Variants in PDE2A observed in about 807,000 individuals in gnomAD.
The protein encoded by PDE2A is cGMP-dependent 3',5'-cyclic phosphodiesterase.
PDE2A carries 53 observed loss-of-function variants against 133.6 expected under a neutral mutation model. That is an observed-to-expected ratio of 0.40 (90% CI 0.32 to 0.50). The LOEUF (loss-of-function observed/expected upper bound fraction) is 0.50. PDE2A is among the 20% of genes least tolerant of loss of function. The pLI is 0.73. For synonymous variants in PDE2A, 491 were observed against 490.2 expected, an observed-to-expected ratio of 1.00 and a Z score of -0.02; for missense variants, 796 against 1,232.4, an observed-to-expected ratio of 0.65 and a Z score of 5.30.
At chr11:72,585,623 G>C in intron 14 of PDE2A, 30 bp from the exon 15 acceptor site, 1 of 1,609,700 alleles carries the variant, frequency 6.2e-7, no homozygotes, top group Non-Finnish European at 8.5e-7. Context: ...GATCATAGGG[G>C]GGTCGGGGTG....
Position 72,584,852 on chromosome 11 carries a change from C to G in PDE2A, c.1359+20G>C, listed in dbSNP as rs767816078. Reference sequence around the variant, plus strand: ...TCCCGGACACCCCTAGGGCCACATACTCCCTCCACACCCTCTCACCTCATC... The same window carrying G: ...TCCCGGACACCCCTAGGGCCACATAGTCCCTCCACACCCTCTCACCTCATC... On this transcript the variant is annotated intron_variant, in intron 17 of 30. Transcript: ENST00000334456. 9.9e-6 allele frequency: 16 copies of G among 1,612,426 alleles called. No homozygotes were observed. The highest frequency in any genetic ancestry group is 3.3e-4 in the Middle Eastern group (2 of 6,078).
At position 72,619,614 on chromosome 11, in the gene PDE2A, T is replaced by C. The variant is rs962235567; in HGVS notation, c.145-10863A>G. On this transcript the variant is annotated intron_variant, in intron 2 of 30. Coordinates refer to ENST00000334456, the MANE Select transcript of PDE2A (RefSeq NM_002599.5). The stretch of plus-strand genomic sequence containing the variant: ...ATCTATGCATATGTGATTCAGGTCA[T>C]TGATGTCCATGTGACAGTGGTATAG... 2.3e-4 allele frequency among the ~76,000 whole-genome samples: 35 copies of C among 152,312 alleles called. No homozygotes were observed. In the East Asian group the frequency reaches 2.7e-3, roughly 12 times the overall value.
In PDE2A at chr11:72,577,605, AT is replaced by A. The variant is rs200122101; in HGVS notation, c.2616-12del. 1.6e-3 allele frequency: 2,386 copies of A among 1,538,782 alleles called. 6 individuals carry two copies. Among genetic ancestry groups the A allele is most frequent in the Non-Finnish European group, 1.8e-3 (2,140 of 1,160,668 alleles). ...AGGTCCTGCAACAGCCTGCGGGTGC[AT>A]GGGGGGCAGAGGGCGAGAGGCCAGA... is the stretch of plus-strand genomic sequence containing the variant. On this transcript the variant is annotated splice_polypyrimidine_tract_variant and intron_variant, in intron 30 of 30. Coordinates refer to ENST00000334456, the MANE Select transcript of PDE2A (RefSeq NM_002599.5).
In PDE2A at chr11:72,577,430, C is replaced by T. The variant is rs1378459747; in HGVS notation, c.2780G>A (p.Gly927Asp). The T allele has an allele frequency of 7.4e-6, 12 of 1,613,962 alleles. No individual in the cohort carries two copies. The East Asian group carries it at 2.0e-4, about 27-fold the overall frequency. ...DEEYEVPDLD[G>D]TRAPINGCCS... ...GCAGCCATTGATGGGGGCCCTAGTG[C>T]CATCCAGATCAGGCACCTCGTACTC... is the stretch of plus-strand genomic sequence containing the variant. Residue 927 changes from glycine (G) to aspartate (D), a missense_variant, in exon 31 of 31, where the codon GGC (glycine) becomes GAC (aspartate). Physicochemically the swap from Gly to Asp is moderately conservative, Grantham distance 94 (BLOSUM62 -1). Coordinates refer to ENST00000334456, the MANE Select transcript of PDE2A (RefSeq NM_002599.5).
At chr11:72,583,395 C>T (rs200842805) in intron 20 of PDE2A, 43 bp downstream of exon 20, 184 of 1,382,256 alleles carry the variant, frequency 1.3e-4, no homozygotes, top group East Asian at 3.4e-4. Context: ...CCTGGGTCCC[C>T]GGGGAATCTG....
chr11:72,600,758 A>G (rs1463743971), intron 4 of PDE2A, among the ~76,000 whole-genome samples: 1 of 151,838 alleles, frequency 6.6e-6, no homozygotes. Flanking sequence ...GAACTCCACA[A>G]CCCAGGGCCA....
intron 1 of PDE2A, among the ~76,000 whole-genome samples, chr11:72,646,134 C>T (rs1433243545): frequency 3.9e-5 from 6 of 152,184 alleles, no homozygotes; most frequent in African/African-American, 1.4e-4. Context: ...AGCTTTCCTC[C>T]CAGCTCCAGC....
At chr11:72,613,040 T>C (rs755763515) in intron 2 of PDE2A, among the ~76,000 whole-genome samples, 1 of 152,062 alleles carries the variant, frequency 6.6e-6, no homozygotes, top group Admixed American at 6.5e-5. Context: ...CTTGGTCTTA[T>C]CCCCTTTGGA....
intron 16 of PDE2A, 30 bp from the exon 17 acceptor site, chr11:72,584,974 G>A (rs1303676944): frequency 1.9e-6 from 3 of 1,606,368 alleles, no homozygotes; most frequent in Non-Finnish European, 2.6e-6. Flanking sequence ...GTCCTCTGGG[G>A]CCTGACAACC....
At chr11:72,625,830 G>A (rs1481804527) in intron 2 of PDE2A, among the ~76,000 whole-genome samples, 4 of 152,140 alleles carry the variant, frequency 2.6e-5, no homozygotes, top group African/African-American at 9.7e-5. Context: ...GCCCCAGCCG[G>A]TCTGCAGGAA....
At chr11:72,652,867 A>T (rs557593310) in intron 1 of PDE2A, among the ~76,000 whole-genome samples, 3 of 152,296 alleles carry the variant, frequency 2.0e-5, no homozygotes, top group African/African-American at 7.2e-5. Flanking sequence ...GTACTTGAGC[A>T]ACTCCTCCCA....
chr11:72,585,550 T>G lies in PDE2A; in HGVS notation c.1222+4A>C. 1.2e-6 allele frequency: 2 copies of G among 1,614,054 alleles called. No individual in the cohort carries two copies. Among genetic ancestry groups the G allele is most frequent in the Non-Finnish European group, 1.7e-6 (2 of 1,179,918 alleles). On this transcript the variant is annotated splice_donor_region_variant and intron_variant, in intron 15 of 30. Transcript: ENST00000334456. Reference sequence around the variant, plus strand: ...CAGCCAGGCAGAGAGAACAGTGCACTCACCCAGGTGGGTGAAGAGGTTCTT... The same window carrying G: ...CAGCCAGGCAGAGAGAACAGTGCACGCACCCAGGTGGGTGAAGAGGTTCTT...
intron 2 of PDE2A, among the ~76,000 whole-genome samples, chr11:72,635,010 C>A (rs969074700): frequency 6.6e-6 from 1 of 152,198 alleles, no homozygotes; most frequent in South Asian, 2.1e-4. Context: ...CGGGGGTGAG[C>A]AGACCTCTCC....
intron 2 of PDE2A, among the ~76,000 whole-genome samples, chr11:72,639,149 T>C (rs1007169964): frequency 2.0e-5 from 3 of 152,092 alleles, no homozygotes; most frequent in African/African-American, 7.2e-5. Flanking sequence ...TTCCCACAGC[T>C]CTCTCTGGAA....
At position 72,588,770 on chromosome 11, in the gene PDE2A, C is replaced by T. The variant is rs1456028097; in HGVS notation, c.1070+14G>A. On this transcript the variant is annotated intron_variant, in intron 13 of 30. Coordinates refer to ENST00000334456, the MANE Select transcript of PDE2A (RefSeq NM_002599.5). ...GTGACATCTCCTGATCTGCATCATC[C>T]CACAAAGACTCACAAGTCTCCTTCT... The T allele has an allele frequency of 1.2e-5, 19 of 1,583,130 alleles. No individual in the cohort carries two copies. Among genetic ancestry groups the T allele is most frequent in the Non-Finnish European group, 1.5e-5 (17 of 1,160,070 alleles).
At chr11:72,659,780 G>A (rs1013954032) in intron 1 of PDE2A, among the ~76,000 whole-genome samples, 10 of 152,114 alleles carry the variant, frequency 6.6e-5, no homozygotes, top group African/African-American at 2.2e-4. Context: ...GGTCAAAGGA[G>A]GGGCGGGTTT....
intron 2 of PDE2A, among the ~76,000 whole-genome samples, chr11:72,628,519 A>T (rs1284345752): frequency 6.6e-6 from 1 of 152,088 alleles, no homozygotes; most frequent in Non-Finnish European, 1.5e-5. Context: ...TTTAGTAGAG[A>T]CAGGTTTCAC....
intron 21 of PDE2A, 50 bp downstream of exon 21, chr11:72,582,394 C>T: frequency 6.3e-7 from 1 of 1,580,974 alleles, no homozygotes; most frequent in African/African-American, 1.4e-5. Context: ...ACTTAAGCCT[C>T]TGGCTACATA....
rs569023175 is a variant in PDE2A, at chr11:72,584,522, C to T, written c.1537+29G>A. The T allele has an allele frequency of 9.0e-6, 14 of 1,560,990 alleles. No individual in the cohort carries two copies. The East Asian group carries it at 3.1e-4, about 34-fold the overall frequency. ...GACCCGCCCCGCCCGGCGCAGGCCC[C>T]GCCCCTCCGCCCGGGCCGCCACGCG... On this transcript the variant is annotated intron_variant, in intron 18 of 30. Transcript: ENST00000334456.
Sources: gnomAD v4.1 joint callset for allele counts (sites outside exome capture counted in the v4.1 genomes callset) on GRCh38, gnomAD v4.1.1 for gene constraint, MANE v1.5 for transcripts, NCBI Gene and HGNC (gene_info 2026-07-23, HGNC 2026-07-21) for gene names.